CSMD2: variants seen among roughly 807,000 people sequenced by gnomAD.
CSMD2 encodes CUB and sushi domain-containing protein 2.
A neutral mutation model predicts 398.5 loss-of-function variants in CSMD2; 130 were observed. The observed-to-expected ratio is 0.33, with a 90% CI of 0.28 to 0.38. The LOEUF (loss-of-function observed/expected upper bound fraction) is 0.38, where lower values mean the gene tolerates loss of function less well. CSMD2 is among the 10% of genes least tolerant of loss of function. The pLI is 1.00. For synonymous variants in CSMD2, 1,828 were observed against 1,908.5 expected (o/e 0.96, Z 1.10); for missense variants, 3,829 against 4,764.9 (o/e 0.80, Z 5.78).
chr1:34,132,205 C>A (rs1446720537), intron 1 of CSMD2, among the ~76,000 whole-genome samples: 1 of 152,140 alleles, frequency 6.6e-6, no homozygotes, highest in African/African-American at 2.4e-5. Flanking sequence ...GCACACCCCT[C>A]CATGGACATA....
chr1:33,590,974 T>A (rs1227817362), intron 44 of CSMD2, among the ~76,000 whole-genome samples: 1 of 148,374 alleles, frequency 6.7e-6, no homozygotes, highest in Non-Finnish European at 1.5e-5. Context: ...TTGAAGCTTT[T>A]ATTTATCTTT....
intron 22 of CSMD2, among the ~76,000 whole-genome samples, chr1:33,701,476 A>AC (rs1316779475): frequency 1.3e-5 from 2 of 152,266 alleles, no homozygotes; most frequent in African/African-American, 2.4e-5. Flanking sequence ...TGAGTGAAAG[A>AC]CCCCCTGGTG....
Position 33,537,709 on chromosome 1 carries a change from T to C in CSMD2, c.9632-100A>G. On this transcript the variant is annotated intron_variant, in intron 60 of 70. Coordinates refer to ENST00000373381, the MANE Select transcript of CSMD2 (RefSeq NM_001281956.2). The surrounding 1 kb of genome is among the most constrained non-coding windows in gnomAD (Gnocchi z 4.6). ...TTTGTTCTTTGCACTGCTCCCTTCC[T>C]GGTTGAGCTTGAACTCTGGGAACCG... 2.3e-6 allele frequency: 3 copies of C among 1,287,300 alleles called. No individual in the cohort carries two copies. Among genetic ancestry groups the C allele is most frequent in the Non-Finnish European group, 2.1e-6 (2 of 955,300 alleles). The allele number at this position is 1,287,300 out of a possible 1,614,324, so 79.7% of individuals were successfully genotyped here.
At position 33,633,567 on chromosome 1, in the gene CSMD2, A is replaced by G. The variant is rs1380381214; in HGVS notation, c.5087-32T>C. ...AGGAGACACAGTGTGGGGACTGGGC[A>G]GGCACGCTGGGGGCAGGAGAGGGGA... On this transcript the variant is annotated intron_variant, in intron 31 of 70. Coordinates refer to ENST00000373381, the MANE Select transcript of CSMD2 (RefSeq NM_001281956.2). The surrounding 1 kb of genome is among the most constrained non-coding windows in gnomAD (Gnocchi z 5.0). 15 of 1,500,970 alleles carry G rather than the reference A, an allele frequency of 1.0e-5. No individual in the cohort carries two copies. The highest frequency in any genetic ancestry group is 1.4e-5 in the African/African-American group (1 of 72,008). 93.0% of individuals were successfully genotyped at this position (1,500,970 alleles called of 1,614,324 possible).
intron 12 of CSMD2, among the ~76,000 whole-genome samples, chr1:33,784,612 T>C (rs1156647033): frequency 2.0e-5 from 3 of 152,170 alleles, no homozygotes; most frequent in Non-Finnish European, 4.4e-5. Flanking sequence ...ACCTCATTTC[T>C]CTGCCAGTAT....
chr1:33,986,097 CT>C (rs1175150816), intron 3 of CSMD2, among the ~76,000 whole-genome samples: 1 of 152,212 alleles, frequency 6.6e-6, no homozygotes, highest in Non-Finnish European at 1.5e-5. Flanking sequence ...AGCCCAATGC[CT>C]GCCGCAGAGC....
chr1:33,881,114 A>G (rs1641208630), intron 5 of CSMD2, among the ~76,000 whole-genome samples: 1 of 152,156 alleles, frequency 6.6e-6, no homozygotes, highest in Admixed American at 6.5e-5. Context: ...CAGGGAGAAA[A>G]GAGTTATGAG....
At position 33,724,509 on chromosome 1, in the gene CSMD2, C is replaced by A; in HGVS notation, c.2884+7G>T. Reference sequence around the variant, plus strand: ...CTACTTTAGCGCCCCCTCATGGTGTCCCTCACCTTCACAACTGGGCAGGGC... The same window carrying A: ...CTACTTTAGCGCCCCCTCATGGTGTACCTCACCTTCACAACTGGGCAGGGC... On this transcript the variant is annotated splice_region_variant and intron_variant, in intron 18 of 70. Coordinates refer to ENST00000373381, the MANE Select transcript of CSMD2 (RefSeq NM_001281956.2). 1.2e-6 allele frequency: 2 copies of A among 1,612,472 alleles called. No homozygotes were observed. Among genetic ancestry groups the A allele is most frequent in the Non-Finnish European group, 1.7e-6 (2 of 1,179,058 alleles).
chr1:34,043,708 G>A (rs908541337), intron 2 of CSMD2, among the ~76,000 whole-genome samples: 11 of 152,184 alleles, frequency 7.2e-5, no homozygotes, highest in Non-Finnish European at 1.5e-5. Flanking sequence ...TCTGGGAACC[G>A]GGATTTCAGG....
intron 12 of CSMD2, among the ~76,000 whole-genome samples, chr1:33,778,278 C>T (rs996916070): frequency 6.6e-6 from 1 of 152,132 alleles, no homozygotes; most frequent in African/African-American, 2.4e-5. Context: ...TTACTGCAGC[C>T]TCGAACTCCT....
At chr1:34,061,976 T>C (rs1314665691) in intron 2 of CSMD2, among the ~76,000 whole-genome samples, 2 of 152,168 alleles carry the variant, frequency 1.3e-5, no homozygotes, top group Admixed American at 1.3e-4. Flanking sequence ...GCTTCAAGCC[T>C]CTCCATATCT....
intron 25 of CSMD2, among the ~76,000 whole-genome samples, chr1:33,678,313 TA>T (rs5773424): frequency 0.89 from 125,491 of 140,958 alleles, 55,775 homozygotes; most frequent in Admixed American, 0.93. Flanking sequence ...CTTTATAAAT[TA>T]AAAAAAAAAA....
rs74954116 is a variant in CSMD2, at chr1:33,785,005, T to C, written c.1663+3595A>G. Among the ~76,000 whole-genome samples the C allele has an allele frequency of 3.6e-3, 547 of 152,302 alleles. 20 individuals carry two copies. The East Asian group carries it at 0.075, about 21-fold the overall frequency. On this transcript the variant is annotated intron_variant, in intron 12 of 70. Transcript: ENST00000373381. ...TATTTTCTAGAATCCACTGCCTCTG[T>C]GCACAGAACCTGACGTAGTCCCTGT... is the stretch of plus-strand genomic sequence containing the variant.
chr1:34,057,801 C>T (rs528711790), intron 2 of CSMD2, among the ~76,000 whole-genome samples: 1 of 152,336 alleles, frequency 6.6e-6, no homozygotes, highest in Non-Finnish European at 1.5e-5. Flanking sequence ...CAACTACCCA[C>T]CTTGTCTCTC....
intron 25 of CSMD2, among the ~76,000 whole-genome samples, chr1:33,672,921 C>G (rs1488776861): frequency 6.6e-6 from 1 of 152,208 alleles, no homozygotes; most frequent in Non-Finnish European, 1.5e-5. Flanking sequence ...AGAAGGAAAA[C>G]TAACAAACAG....
rs900111365 is a variant in CSMD2 at position 34,050,137 on chromosome 1, T to C, written c.405-17431A>G. ...CACCCAGTCTACGAGTATTTTCTGA[T>C]GGCAGCCCAAAGAGACCAAAACAGA... On this transcript the variant is annotated intron_variant, in intron 2 of 70. Transcript: ENST00000373381. Among the ~76,000 whole-genome samples the C allele has an allele frequency of 3.9e-5, 6 of 152,354 alleles. No homozygotes were observed. In the South Asian group the frequency reaches 1.0e-3, roughly 26 times the overall value.
At position 34,106,224 on chromosome 1, in the gene CSMD2, C is replaced by G. The variant is rs74582182; in HGVS notation, c.188-17031G>C. On this transcript the variant is annotated intron_variant, in intron 1 of 70. Coordinates refer to ENST00000373381, the MANE Select transcript of CSMD2 (RefSeq NM_001281956.2). ...AGCCATCTCCACGTGACAAGTGGTTCAGGGAAACCATGCTGTTCAATCTTA... is the reference window on the plus strand; with the variant it reads ...AGCCATCTCCACGTGACAAGTGGTTGAGGGAAACCATGCTGTTCAATCTTA... Among the ~76,000 whole-genome samples, 908 of 152,158 alleles carry G rather than the reference C, an allele frequency of 6.0e-3. 14 individuals carry two copies. The highest frequency in any genetic ancestry group is 0.021 in the African/African-American group (865 of 41,494).
intron 3 of CSMD2, among the ~76,000 whole-genome samples, chr1:33,991,847 GA>G (rs1477963700): frequency 6.6e-6 from 1 of 150,582 alleles, no homozygotes; most frequent in Non-Finnish European, 1.5e-5. Flanking sequence ...GTGATACCAA[GA>G]ATATATTAAG....
chr1:33,911,781 C>T (rs1423061309), intron 5 of CSMD2, among the ~76,000 whole-genome samples: 2 of 152,190 alleles, frequency 1.3e-5, no homozygotes, highest in Admixed American at 1.3e-4. Context: ...AGCAGGCATC[C>T]TATTCTTCTG....
Sources: gnomAD v4.1 joint callset for allele counts (sites outside exome capture counted in the v4.1 genomes callset) on GRCh38, gnomAD v4.1.1 for gene constraint, Gnocchi (gnomAD v3.1) non-coding constraint, MANE v1.5 for transcripts, NCBI Gene and HGNC (gene_info 2026-07-23, HGNC 2026-07-21) for gene names.